TULP4: variants seen among roughly 807,000 people sequenced by gnomAD.
The protein encoded by TULP4 is TUB like protein 4, also known as tubby-related protein 4.
A neutral mutation model predicts 129.0 loss-of-function variants in TULP4; 16 were observed. The ratio of observed to expected loss-of-function variants is 0.12; its 90% confidence interval spans 0.08 to 0.19. The LOEUF is 0.19. Ranked by LOEUF, TULP4 falls within the 10% of genes least tolerant of loss-of-function variation. The pLI, the probability that TULP4 is intolerant of heterozygous loss-of-function variation, is 1.00. For missense variants in TULP4, 1,842 were observed against 2,059.1 expected, an observed-to-expected ratio of 0.89 and a Z score of 2.04; for synonymous variants, 998 against 854.0, an observed-to-expected ratio of 1.17 and a Z score of -2.94.
chr6:158,422,983 C>T (rs918957883), intron 2 of TULP4, among the ~76,000 whole-genome samples: 1 of 152,230 alleles, frequency 6.6e-6, no homozygotes, highest in Non-Finnish European at 1.5e-5. Context: ...TCAAAGGTTG[C>T]TAGCCTGGCT....
At chr6:158,441,566 C>A (rs987813032) in intron 3 of TULP4, among the ~76,000 whole-genome samples, 1 of 152,188 alleles carries the variant, frequency 6.6e-6, no homozygotes, top group Non-Finnish European at 1.5e-5. Flanking sequence ...TGCTGCTCTA[C>A]AGCCCCTGAC....
intron 5 of TULP4, among the ~76,000 whole-genome samples, chr6:158,455,562 C>T (rs1779273607): frequency 6.6e-6 from 1 of 151,682 alleles, no homozygotes; most frequent in Non-Finnish European, 1.5e-5. Flanking sequence ...CATGGCCAAA[C>T]CTTGTCTCTA....
chr6:158,459,619 A>G (rs118016378), intron 5 of TULP4, among the ~76,000 whole-genome samples: 6 of 152,282 alleles, frequency 3.9e-5, no homozygotes, highest in Non-Finnish European at 5.9e-5. Context: ...CTGTTGGGGA[A>G]AGCCACCTTG....
At chr6:158,432,893 T>G (rs1221753381) in intron 3 of TULP4, among the ~76,000 whole-genome samples, 1 of 152,222 alleles carries the variant, frequency 6.6e-6, no homozygotes, top group Non-Finnish European at 1.5e-5. Context: ...AAGTAAGTGG[T>G]AGACATCGTG....
intron 2 of TULP4, among the ~76,000 whole-genome samples, chr6:158,414,311 A>G (rs966425004): frequency 2.6e-5 from 4 of 152,234 alleles, no homozygotes; most frequent in African/African-American, 9.6e-5. Context: ...AGATGTAGAC[A>G]TCTTCATGTG....
chr6:158,281,647 G>A (rs1473690830), upstream of TULP4, among the ~76,000 whole-genome samples: 2 of 152,174 alleles, frequency 1.3e-5, no homozygotes, highest in Non-Finnish European at 2.9e-5. Context: ...GATTTTTAGG[G>A]AGAAGGGGAA....
chr6:158,446,442 A>C (rs902546310), intron 3 of TULP4, among the ~76,000 whole-genome samples: 20 of 152,174 alleles, frequency 1.3e-4, no homozygotes, highest in African/African-American at 4.6e-4. Context: ...CTGATAACTT[A>C]ATCAGTCCTT....
intron 1 of TULP4, among the ~76,000 whole-genome samples, chr6:158,246,361 A>G (rs1408900456): frequency 6.6e-6 from 1 of 151,938 alleles, no homozygotes; most frequent in East Asian, 1.9e-4. Flanking sequence ...GCGTGGTGGC[A>G]GGCGCCTGTA....
intron 1 of TULP4, among the ~76,000 whole-genome samples, chr6:158,363,512 C>G (rs1277208782): frequency 6.6e-6 from 1 of 152,146 alleles, no homozygotes; most frequent in African/African-American, 2.4e-5. Context: ...GAGGCGGAGT[C>G]TCACTGTGTC....
intron 1 of TULP4, among the ~76,000 whole-genome samples, chr6:158,385,777 T>G (rs1164770395): frequency 6.8e-6 from 1 of 147,778 alleles, no homozygotes; most frequent in Non-Finnish European, 1.5e-5. Context: ...CAAAATAGTC[T>G]TGCCATCAGA....
At position 158,502,901 on chromosome 6, in the gene TULP4, C is replaced by T. The variant is rs142412261; in HGVS notation, c.3238C>T (p.Arg1080Cys). Residue 1080 changes from arginine to cysteine, a missense_variant, in exon 13 of 14, where the codon CGC becomes TGC. By Grantham distance (180) the Arg-to-Cys change is radical. Transcript: ENST00000367097. ...GAGCCCACCCGACAGCGCCCGCGACCGCACCGACTACGTCAACTCGGCCTT... is the reference window on the plus strand; with the variant it reads ...GAGCCCACCCGACAGCGCCCGCGACTGCACCGACTACGTCAACTCGGCCTT... ...LLSPPDSARD[R>C]TDYVNSAFTE... The T allele has an allele frequency of 1.2e-4, 190 of 1,614,022 alleles. No individual in the cohort carries two copies. The highest frequency in any genetic ancestry group is 4.1e-4 in the South Asian group (37 of 91,072).
chr6:158,462,808 G>C (rs1490509268), intron 6 of TULP4, among the ~76,000 whole-genome samples: 4 of 130,356 alleles, frequency 3.1e-5, no homozygotes, highest in Non-Finnish European at 6.5e-5. Context: ...GGAGTGCAGT[G>C]GCGCCATCTC....
chr6:158,417,726 A>G (rs1390063838), intron 2 of TULP4, among the ~76,000 whole-genome samples: 1 of 152,246 alleles, frequency 6.6e-6, no homozygotes, highest in Non-Finnish European at 1.5e-5. Flanking sequence ...ACTACTTTTT[A>G]GAAGAAATGA....
Position 158,502,476 on chromosome 6 carries a change from G to C in TULP4, c.2813G>C (p.Cys938Ser). 3 of 1,613,288 alleles carry C rather than the reference G, an allele frequency of 1.9e-6. No homozygotes were observed. The highest frequency in any genetic ancestry group is 2.5e-6 in the Non-Finnish European group (3 of 1,179,896). ...TATEKKVPQPCSSATLNRLTV... is the reference protein window; with the variant it reads ...TATEKKVPQPSSSATLNRLTV... ...ACTGAGAAGAAGGTCCCTCAGCCCT[G>C]CAGCAGTGCCACCCTGAACCGCCTG... Residue 938 changes from cysteine to serine, a missense_variant, in exon 13 of 14, where the codon TGC becomes TCC. Cys to Ser is a moderately radical substitution (Grantham distance 112, BLOSUM62 -1). Transcript: ENST00000367097.
intron 1 of TULP4, among the ~76,000 whole-genome samples, chr6:158,293,290 A>G (rs1778976039): frequency 6.6e-6 from 1 of 152,172 alleles, no homozygotes; most frequent in Admixed American, 6.5e-5. Context: ...TGAAATGCCC[A>G]CAGCCTTGGG....
chr6:158,232,747 C>A (rs1583658443), intron 1 of TULP4, among the ~76,000 whole-genome samples: 2 of 151,918 alleles, frequency 1.3e-5, no homozygotes, highest in African/African-American at 2.4e-5. Context: ...TCTTCCTCCC[C>A]GGCGTCGGGC....
chr6:158,310,882 A>G (rs1583730572), upstream of TULP4, among the ~76,000 whole-genome samples: 1 of 152,214 alleles, frequency 6.6e-6, no homozygotes, highest in Non-Finnish European at 1.5e-5. Flanking sequence ...ATTAAAAACC[A>G]TGTACTCAAG....
intron 1 of TULP4, among the ~76,000 whole-genome samples, chr6:158,267,980 TG>T (rs1230069293): frequency 1.3e-5 from 2 of 151,922 alleles, no homozygotes; most frequent in Non-Finnish European, 2.9e-5. Context: ...AATTTTTTTT[TG>T]TTCTTTTACA....
chr6:158,481,936 C>T (rs1571961), intron 8 of TULP4, among the ~76,000 whole-genome samples: 1,909 of 152,242 alleles, frequency 0.013, 44 homozygotes, highest in African/African-American at 0.042. Flanking sequence ...TTTTGTGCCA[C>T]TTGGTACTAG....
Sources: gnomAD v4.1 joint callset for allele counts (sites outside exome capture counted in the v4.1 genomes callset) on GRCh38, gnomAD v4.1.1 for gene constraint, MANE v1.5 for transcripts, NCBI Gene and HGNC (gene_info 2026-07-23, HGNC 2026-07-21) for gene names.